The following SOHLH2 variants were observed in gnomAD, a reference collection of about 807,000 sequenced individuals.
The protein encoded by SOHLH2 is spermatogenesis and oogenesis specific basic helix-loop-helix 2.
Under a neutral mutation model 50.4 loss-of-function variants are expected in SOHLH2, and 22 were observed. The observed-to-expected ratio is 0.44, with a 90% CI of 0.31 to 0.62. The LOEUF (loss-of-function observed/expected upper bound fraction) is 0.62. Among genes scored for constraint, SOHLH2 ranks in the 20% least tolerant of loss-of-function variants. The pLI is 0.08. For synonymous variants in SOHLH2, 185 were observed against 187.3 expected, an observed-to-expected ratio of 0.99 and a Z score of 0.10; for missense variants, 412 against 504.4, an observed-to-expected ratio of 0.82 and a Z score of 1.76.
intron 1 of SOHLH2, among the ~76,000 whole-genome samples, chr13:36,206,898 A>C (rs1868797095): frequency 6.6e-6 from 1 of 151,462 alleles, no homozygotes; most frequent in South Asian, 2.1e-4. Context: ...CAACATATGT[A>C]ATCTATGTTT....
intron 1 of SOHLH2, among the ~76,000 whole-genome samples, chr13:36,204,025 A>G (rs1593959282): frequency 7.2e-6 from 1 of 139,022 alleles, no homozygotes; most frequent in African/African-American, 2.7e-5. Context: ...ATCTCGGCTC[A>G]CTGTAACCTC....
At chr13:36,179,365 T>C (rs902524222) in intron 6 of SOHLH2, among the ~76,000 whole-genome samples, 1 of 152,210 alleles carries the variant, frequency 6.6e-6, no homozygotes, top group African/African-American at 2.4e-5. Flanking sequence ...AATTTGTTAA[T>C]CACATGGTTT....
At chr13:36,192,736 G>A (rs1246741350) in intron 4 of SOHLH2, among the ~76,000 whole-genome samples, 2 of 152,112 alleles carry the variant, frequency 1.3e-5, no homozygotes, top group East Asian at 1.9e-4. Context: ...CCACAATCAA[G>A]TTAATTGACA....
At chr13:36,179,326 A>G (rs1887183051) in intron 6 of SOHLH2, among the ~76,000 whole-genome samples, 1 of 152,218 alleles carries the variant, frequency 6.6e-6, no homozygotes, top group African/African-American at 2.4e-5. Context: ...TGATAATGGT[A>G]TATTGAGCAT....
intron 1 of SOHLH2, among the ~76,000 whole-genome samples, chr13:36,203,819 C>T (rs187585541): frequency 1.6e-3 from 250 of 152,176 alleles, no homozygotes; most frequent in Non-Finnish European, 1.4e-3. Context: ...CATGCATGCC[C>T]ATTTACTCCC....
chr13:36,211,408 A>G (rs747989070), intron 1 of SOHLH2, among the ~76,000 whole-genome samples: 12 of 152,250 alleles, frequency 7.9e-5, no homozygotes, highest in Non-Finnish European at 1.3e-4. Flanking sequence ...TATAGGGCAG[A>G]CACAGGGCTG....
chr13:36,172,548 A>C (rs1330169687), intron 9 of SOHLH2, among the ~76,000 whole-genome samples: 1 of 152,214 alleles, frequency 6.6e-6, no homozygotes, highest in Non-Finnish European at 1.5e-5. Context: ...GGCTTCCGCC[A>C]CATCCCCATC....
chr13:36,214,058 T>C (rs956273073), intron 1 of SOHLH2, among the ~76,000 whole-genome samples: 1 of 149,590 alleles, frequency 6.7e-6, no homozygotes, highest in Admixed American at 6.7e-5. Context: ...TTTTTTTTTT[T>C]AGTTGGAGAA....
chr13:36,210,967 C>T (rs763535477), intron 1 of SOHLH2, among the ~76,000 whole-genome samples: 4 of 152,236 alleles, frequency 2.6e-5, no homozygotes, highest in East Asian at 1.9e-4. Flanking sequence ...TGCCTGTGAG[C>T]GCAGATTGTT....
At chr13:36,182,721 G>A (rs1391344847) in intron 6 of SOHLH2, 1 of 152,230 alleles carries the variant, frequency 6.6e-6, no homozygotes, top group Admixed American at 6.5e-5. Flanking sequence ...ACAGAGCCAA[G>A]CTCTGCCCAA....
chr13:36,179,902 G>A (rs942759743), intron 6 of SOHLH2, among the ~76,000 whole-genome samples: 6 of 152,094 alleles, frequency 3.9e-5, no homozygotes, highest in African/African-American at 1.4e-4. Flanking sequence ...TCAGGCTTAG[G>A]GTTATGTTGT....
At chr13:36,172,445 T>C (rs1886985925) in intron 9 of SOHLH2, among the ~76,000 whole-genome samples, 1 of 152,178 alleles carries the variant, frequency 6.6e-6, no homozygotes, top group South Asian at 2.1e-4. Flanking sequence ...GAGGCTTCTT[T>C]GGTGATATGA....
chr13:36,211,987 C>G (rs2138337224), intron 1 of SOHLH2, among the ~76,000 whole-genome samples: 1 of 152,262 alleles, frequency 6.6e-6, no homozygotes, highest in East Asian at 1.9e-4. Context: ...CTTTCCCTAG[C>G]TAGCACATGG....
chr13:36,210,793 A>G (rs11843466), intron 1 of SOHLH2, among the ~76,000 whole-genome samples: 1,603 of 152,280 alleles, frequency 0.011, 36 homozygotes, highest in African/African-American at 0.037. Context: ...TCAATACTCT[A>G]TATTCCAAGA....
intron 1 of SOHLH2, among the ~76,000 whole-genome samples, chr13:36,211,671 T>G (rs1290170480): frequency 3.3e-5 from 5 of 152,358 alleles, no homozygotes; most frequent in Non-Finnish European, 7.3e-5. Flanking sequence ...TACCAGTGGC[T>G]TTGAATAAGA....
intron 1 of SOHLH2, among the ~76,000 whole-genome samples, chr13:36,212,295 G>A (rs1869172900): frequency 6.6e-6 from 1 of 152,162 alleles, no homozygotes; most frequent in African/African-American, 2.4e-5. Flanking sequence ...TTGCTCTTTT[G>A]CCAAATGCTT....
intron 1 of SOHLH2, among the ~76,000 whole-genome samples, chr13:36,202,497 A>T (rs1868482696): frequency 6.6e-6 from 1 of 152,236 alleles, no homozygotes; most frequent in Non-Finnish European, 1.5e-5. Context: ...ATTTTGGTGA[A>T]ACACACATTC....
intron 6 of SOHLH2, among the ~76,000 whole-genome samples, chr13:36,183,903 C>G (rs574981547): frequency 6.6e-6 from 1 of 152,068 alleles, no homozygotes; most frequent in East Asian, 1.9e-4. Context: ...CTACATGAAG[C>G]AAAAACTCTC....
Position 36,168,779 on chromosome 13 carries a change from T to TCTGGCTGGCGAG in SOHLH2, c.*254_*255insCTCGCCAGCCAG, listed in dbSNP as rs1886886689. 5 of 472,246 alleles carry TCTGGCTGGCGAG rather than the reference T, an allele frequency of 1.1e-5. No homozygotes were observed. The Admixed American group carries it at 1.6e-4, about 15-fold the overall frequency. 29.3% of individuals were successfully genotyped at this position (472,246 alleles called of 1,614,324 possible). On this transcript the variant is annotated 3_prime_UTR_variant, in exon 11 of 11. Transcript: ENST00000379881. ...GAGAGTGTAGGTCACTGAGGCCATTTGTTCTTGTAGCTCTCTGGCTGGCGG... is the reference window on the plus strand; with the variant it reads ...GAGAGTGTAGGTCACTGAGGCCATTTCTGGCTGGCGAGGTTCTTGTAGCTCTCTGGCTGGCGG...
Sources: allele counts gnomAD v4.1 joint callset (sites outside exome capture counted in the v4.1 genomes callset), GRCh38; gene constraint gnomAD v4.1.1; transcripts MANE v1.5; gene names NCBI Gene and HGNC (gene_info 2026-07-23, HGNC 2026-07-21).